The following RBFOX1 variants were observed in gnomAD, a reference collection of about 807,000 sequenced individuals.
The protein encoded by RBFOX1 is RNA binding protein fox-1 homolog 1.
In RBFOX1, 8 loss-of-function variants were observed where a neutral mutation model predicts 57.7. That is an observed-to-expected ratio of 0.14 (90% CI 0.08 to 0.25). RBFOX1 has a LOEUF of 0.25. RBFOX1 is among the 10% of genes least tolerant of loss of function. RBFOX1 has a pLI of 1.00. For missense variants in RBFOX1, 611 were observed against 548.5 expected, an observed-to-expected ratio of 1.11 and a Z score of -1.14; for synonymous variants, 326 against 222.4, an observed-to-expected ratio of 1.47 and a Z score of -4.15.
intron 2 of RBFOX1, among the ~76,000 whole-genome samples, chr16:6,494,051 A>C (rs2095699441): frequency 1.3e-5 from 2 of 151,826 alleles, no homozygotes; most frequent in South Asian, 4.1e-4. Context: ...AGGCTTTGGC[A>C]ATGTTCTTAA....
chr16:6,134,133 C>T (rs1038411680), intron 1 of RBFOX1, among the ~76,000 whole-genome samples: 12 of 152,006 alleles, frequency 7.9e-5, no homozygotes, highest in Non-Finnish European at 1.6e-4. Context: ...GACAGGGTTT[C>T]ACCATGTTGG....
chr16:5,559,165 C>CAAAAAAAAAA (rs35531242), intron 2 of RBFOX1, among the ~76,000 whole-genome samples: 2 of 65,384 alleles, frequency 3.1e-5, no homozygotes, highest in Non-Finnish European at 5.5e-5. Context: ...CCCCCCCAGG[C>CAAAAAAAAAA]AAAAAAAAAA....
At chr16:5,739,520 C>G (rs1164823454) in intron 3 of RBFOX1, among the ~76,000 whole-genome samples, 1 of 152,172 alleles carries the variant, frequency 6.6e-6, no homozygotes, top group Non-Finnish European at 1.5e-5. Context: ...TGCATGGGGT[C>G]ATTTGCAAAA....
intron 3 of RBFOX1, among the ~76,000 whole-genome samples, chr16:5,688,250 C>CT (rs1230271694): frequency 7.2e-5 from 11 of 152,160 alleles, no homozygotes; most frequent in Non-Finnish European, 1.6e-4. Flanking sequence ...TCTTTGCAAT[C>CT]TTTTTATGTG....
At chr16:6,796,395 A>G (rs1326788687) in intron 3 of RBFOX1, among the ~76,000 whole-genome samples, 2 of 152,154 alleles carry the variant, frequency 1.3e-5, no homozygotes, top group Non-Finnish European at 2.9e-5. Context: ...CAAAACCAAG[A>G]AATAGCAAAC....
intron 4 of RBFOX1, among the ~76,000 whole-genome samples, chr16:7,191,466 C>G (rs1049468690): frequency 4.6e-5 from 7 of 152,012 alleles, no homozygotes; most frequent in Non-Finnish European, 1.0e-4. Context: ...GAATTGATCA[C>G]AGTGGAATGT....
intron 2 of RBFOX1, among the ~76,000 whole-genome samples, chr16:5,524,575 C>G (rs1399530212): frequency 3.4e-5 from 5 of 148,824 alleles, no homozygotes; most frequent in African/African-American, 1.0e-4. Context: ...GAGTCTTGCT[C>G]TGTCGCCCAG....
intron 10 of RBFOX1, chr16:7,615,110 G>T (rs545105151): frequency 2.6e-5 from 4 of 152,260 alleles, no homozygotes; most frequent in Non-Finnish European, 5.9e-5. Flanking sequence ...AAGGCGGGTG[G>T]ATCACGAGGT....
In RBFOX1 at chr16:5,919,661, T is replaced by G. The variant is rs185147543; in HGVS notation, c.351+52326T>G. Among the ~76,000 whole-genome samples the G allele has an allele frequency of 6.6e-5, 10 of 152,234 alleles. No individual in the cohort carries two copies. In the East Asian group the frequency reaches 1.7e-3, roughly 27 times the overall value. On this transcript the variant is annotated intron_variant, in intron 4 of 19. Transcript: ENST00000641259. ...ATAAAGTTAACCATTTTAAAGCGTATAATTCCATGGTATTTAGTGCATTCA... is the reference window on the plus strand; with the variant it reads ...ATAAAGTTAACCATTTTAAAGCGTAGAATTCCATGGTATTTAGTGCATTCA...
At chr16:6,078,064 T>A (rs1446872583) in intron 1 of RBFOX1, among the ~76,000 whole-genome samples, 1 of 152,198 alleles carries the variant, frequency 6.6e-6, no homozygotes. Flanking sequence ...AGTGTCTTGA[T>A]CATGCTCATC....
chr16:6,205,897 G>A lies in RBFOX1; in HGVS notation c.-126-111098G>A, dbSNP rs181804760. On this transcript the variant is annotated intron_variant, in intron 1 of 15. Transcript: ENST00000550418. Reference sequence around the variant, plus strand: ...TTTTTTTTTTGGCTATGTGGAGAGCGTACCTGGAAAACAGATGATTTTGAT... The same window carrying A: ...TTTTTTTTTTGGCTATGTGGAGAGCATACCTGGAAAACAGATGATTTTGAT... 4.4e-5 allele frequency among the ~76,000 whole-genome samples: 6 copies of A among 136,068 alleles called. No individual in the cohort carries two copies. The East Asian group carries it at 6.2e-4, about 14-fold the overall frequency. 89.3% of individuals were successfully genotyped at this position (136,068 alleles called of 152,430 possible). A position where few individuals can be genotyped will look rare whatever the true frequency, so the allele number is the denominator to read the frequency against.
intron 1 of RBFOX1, among the ~76,000 whole-genome samples, chr16:6,229,386 G>C (rs1236965148): frequency 6.6e-6 from 1 of 152,152 alleles, no homozygotes; most frequent in East Asian, 1.9e-4. Context: ...AAGGACTCTT[G>C]TGGATCTCGT....
At position 7,693,416 on chromosome 16, in the gene RBFOX1, CTTT is replaced by C. The variant is rs60812796; in HGVS notation, c.996-15624_996-15622del. 3.4e-3 allele frequency: 2,634 copies of C among 780,360 alleles called. 2 individuals are homozygous for C. Among genetic ancestry groups the C allele is most frequent in the South Asian group, 5.7e-3 (226 of 39,392 alleles). The allele number at this position is 780,360 out of a possible 1,614,324, so 48.3% of individuals were successfully genotyped here. The stretch of plus-strand genomic sequence containing the variant: ...ATGCATCCATCCAAGTCTCAGTATC[CTTT>C]TTTTTTTTTTTTTTTCTTCTTCACA... On this transcript the variant is annotated intron_variant, in intron 14 of 15. Transcript: ENST00000550418.
intron 2 of RBFOX1, among the ~76,000 whole-genome samples, chr16:6,375,622 T>TGGACAGCCCCCTTGGAAGCC (rs1390806035): frequency 6.6e-6 from 1 of 152,244 alleles, no homozygotes; most frequent in East Asian, 1.9e-4. Context: ...ATGTGATTGC[T>TGGACAGCCCCCTTGGAAGCC]GGACAGCCCC....
chr16:7,254,828 A>C (rs1179904039), intron 4 of RBFOX1, among the ~76,000 whole-genome samples: 1 of 152,160 alleles, frequency 6.6e-6, no homozygotes, highest in Non-Finnish European at 1.5e-5. Flanking sequence ...GAAGAAAAAG[A>C]CTGGAAGTTT....
At chr16:7,220,447 A>G (rs961815459) in intron 4 of RBFOX1, among the ~76,000 whole-genome samples, 1 of 152,192 alleles carries the variant, frequency 6.6e-6, no homozygotes, top group Admixed American at 6.5e-5. Flanking sequence ...ATAGGAACCT[A>G]AAGAGACAGT....
chr16:5,345,576 T>A (rs988572088), intron 1 of RBFOX1, among the ~76,000 whole-genome samples: 7 of 152,182 alleles, frequency 4.6e-5, no homozygotes, highest in African/African-American at 1.7e-4. Context: ...GGATTTCTGT[T>A]CATGTGAAAC....
intron 2 of RBFOX1, among the ~76,000 whole-genome samples, chr16:6,343,873 C>T (rs2084932152): frequency 6.6e-6 from 1 of 152,126 alleles, no homozygotes; most frequent in Non-Finnish European, 1.5e-5. Context: ...CCTTAAGAAT[C>T]ACCATCCCCT....
At chr16:7,403,713 A>G (rs1284801433) in intron 4 of RBFOX1, among the ~76,000 whole-genome samples, 2 of 151,836 alleles carry the variant, frequency 1.3e-5, no homozygotes, top group African/African-American at 2.4e-5. Flanking sequence ...CTCCATGTGA[A>G]TTTTGTATTT....
Sources: allele counts gnomAD v4.1 joint callset (sites outside exome capture counted in the v4.1 genomes callset), GRCh38; gene constraint gnomAD v4.1.1; transcripts MANE v1.5; gene names NCBI Gene and HGNC (gene_info 2026-07-23, HGNC 2026-07-21).